Variants in TOPAZ1 observed in about 807,000 individuals in gnomAD.
The protein encoded by TOPAZ1 is testis and ovary specific TOPAZ 1.
In TOPAZ1, 66 loss-of-function variants were observed where a neutral mutation model predicts 172.2. The ratio of observed to expected loss-of-function variants is 0.38; its 90% CI spans 0.31 to 0.47. The LOEUF (loss-of-function observed/expected upper bound fraction) is 0.47, where lower values mean the gene tolerates loss of function less well. TOPAZ1 is among the 20% of genes least tolerant of loss of function. The pLI, the probability that TOPAZ1 is intolerant of heterozygous loss-of-function variation, is 0.99. For missense variants in TOPAZ1, 1,822 were observed against 1,972.4 expected (o/e 0.92, Z 1.44); for synonymous variants, 681 against 683.9 (o/e 1.00, Z 0.07).
intron 5 of TOPAZ1, 139 bp downstream of exon 5, chr3:44,262,622 G>A (rs959196502): frequency 1.9e-5 from 8 of 421,668 alleles, no homozygotes; most frequent in African/African-American, 4.1e-5. Context: ...TTTAATTAAT[G>A]TGTCAGATGT....
chr3:44,256,082 G>C (rs1699699640), intron 3 of TOPAZ1, 69 bp from the exon 4 acceptor site: 4 of 1,230,598 alleles, frequency 3.3e-6, no homozygotes, highest in Non-Finnish European at 2.2e-6. Context: ...TCATTTTTTA[G>C]AACAGCCTTT....
At chr3:44,254,140 GAAGTT>G (rs1477120807) in intron 2 of TOPAZ1, among the ~76,000 whole-genome samples, 1 of 152,168 alleles carries the variant, frequency 6.6e-6, no homozygotes, top group Non-Finnish European at 1.5e-5. Flanking sequence ...TAAACTTAAA[GAAGTT>G]AAGTAGTTTT....
chr3:44,291,585 TC>T (rs1167193511), intron 12 of TOPAZ1, among the ~76,000 whole-genome samples: 1 of 149,960 alleles, frequency 6.7e-6, no homozygotes, highest in Non-Finnish European at 1.5e-5. Flanking sequence ...AGAGCGAGAC[TC>T]CGTCTCAAAA....
At chr3:44,282,410 T>C (rs1464606139) in intron 9 of TOPAZ1, among the ~76,000 whole-genome samples, 3 of 152,214 alleles carry the variant, frequency 2.0e-5, no homozygotes, top group African/African-American at 7.2e-5. Flanking sequence ...TACCATCCAG[T>C]AAGTTCTGTG....
chr3:44,327,787 T>G (rs999739042), intron 18 of TOPAZ1, among the ~76,000 whole-genome samples: 3 of 152,068 alleles, frequency 2.0e-5, no homozygotes, highest in African/African-American at 7.2e-5. Context: ...CACTGTCGCC[T>G]AGGCTGGAGT....
intron 17 of TOPAZ1, among the ~76,000 whole-genome samples, chr3:44,322,256 C>G (rs1700545985): frequency 6.6e-6 from 1 of 152,140 alleles, no homozygotes; most frequent in Non-Finnish European, 1.5e-5. Context: ...ACTTCTCTTT[C>G]TTCTAAGAAT....
At chr3:44,330,063 T>A (rs2125707878) in intron 19 of TOPAZ1, among the ~76,000 whole-genome samples, 1 of 152,362 alleles carries the variant, frequency 6.6e-6, no homozygotes, top group South Asian at 2.1e-4. Flanking sequence ...ACTTCTGTTC[T>A]CCTTTTTTGT....
chr3:44,318,512 G>A (rs1700475608), intron 16 of TOPAZ1, among the ~76,000 whole-genome samples: 1 of 140,820 alleles, frequency 7.1e-6, no homozygotes, highest in South Asian at 2.6e-4. Flanking sequence ...TGGGGCGGGG[G>A]AGGGTTTGCA....
At chr3:44,298,916 T>TG (rs1559541892) in intron 12 of TOPAZ1, among the ~76,000 whole-genome samples, 4 of 38,222 alleles carry the variant, frequency 1.0e-4, no homozygotes, top group African/African-American at 4.2e-4. Context: ...TATATTTTTT[T>TG]TTTTTTTTTT....
intron 13 of TOPAZ1, among the ~76,000 whole-genome samples, chr3:44,304,665 G>A (rs1230214223): frequency 6.6e-6 from 1 of 152,188 alleles, no homozygotes; most frequent in Non-Finnish European, 1.5e-5. Flanking sequence ...AAGATAATAA[G>A]TTGATTGAAA....
chr3:44,335,484 C>T (rs541395646), downstream of TOPAZ1, among the ~76,000 whole-genome samples: 13 of 152,188 alleles, frequency 8.5e-5, no homozygotes, highest in East Asian at 3.9e-4. Flanking sequence ...ATTAGCTGGG[C>T]GCGGTGGTGC....
At chr3:44,285,514 A>C (rs1233212376) in intron 9 of TOPAZ1, among the ~76,000 whole-genome samples, 1 of 152,104 alleles carries the variant, frequency 6.6e-6, no homozygotes, top group Non-Finnish European at 1.5e-5. Flanking sequence ...TTGTGTCAAA[A>C]TGTATTAAAA....
rs1317718185 is a variant in TOPAZ1 at position 44,257,043 on chromosome 3, A to G, written c.2955+765A>G. Among the ~76,000 whole-genome samples, 6 of 152,114 alleles carry G rather than the reference A, an allele frequency of 3.9e-5. No homozygotes were observed. In the South Asian group the frequency reaches 1.2e-3, roughly 32 times the overall value. On this transcript the variant is annotated intron_variant, in intron 4 of 19. Coordinates refer to ENST00000309765, the MANE Select transcript of TOPAZ1 (RefSeq NM_001145030.2). ...CATGTATAGTGGGAAATAAAAGATCAATATGCCGGGTGCAGTGACTCAGGC... is the reference window on the plus strand; with the variant it reads ...CATGTATAGTGGGAAATAAAAGATCGATATGCCGGGTGCAGTGACTCAGGC...
chr3:44,287,594 C>A, intron 10 of TOPAZ1, 54 bp downstream of exon 10: 1 of 1,265,674 alleles, frequency 7.9e-7, no homozygotes. Context: ...ATTTCTCTGT[C>A]ATATTCATTG....
intron 14 of TOPAZ1, 119 bp downstream of exon 14, chr3:44,305,440 G>A (rs1700325583): frequency 2.6e-6 from 2 of 771,274 alleles, no homozygotes; most frequent in Admixed American, 7.7e-5. Flanking sequence ...TGCGGTCATA[G>A]CTCACCGCAG....
intron 4 of TOPAZ1, 141 bp downstream of exon 4, chr3:44,256,419 G>A (rs1284360871): frequency 5.3e-6 from 4 of 753,624 alleles, no homozygotes; most frequent in Admixed American, 7.9e-5. Flanking sequence ...GCCATGGGAT[G>A]TATCCCTTGA....
rs1406052736 is a variant in TOPAZ1, at chr3:44,242,177, G to T, written c.124G>T (p.Gly42Trp). ...GGGAGGCTGTGGCCCTGAGGCCGGG[G>T]GGTGCCGGGAAAATAAGCAAAAGAG... ...AAGGCGPEAG[G>W]CRENKQKRRM... Residue 42 changes from glycine to tryptophan, a missense_variant, in exon 1 of 20, where the codon GGG becomes TGG. Transcript: ENST00000309765. The T allele has an allele frequency of 5.8e-6, 9 of 1,545,260 alleles. No individual in the cohort carries two copies. In the African/African-American group the frequency reaches 1.1e-4, roughly 19 times the overall value.
Position 44,244,901 on chromosome 3 carries a change from G to T in TOPAZ1, c.2395G>T (p.Ala799Ser). The change falls in exon 2 of 20, where the codon GCT (alanine) becomes TCT (serine). Residue 799 changes from alanine to serine, a missense_variant. Physicochemically the swap from Ala to Ser is moderately conservative, Grantham distance 99 (BLOSUM62 1). This residue lies in a region of TOPAZ1 where 1,489 missense variants were observed against 1,490.8 expected (regional missense o/e 1.00). Transcript: ENST00000309765. The part of the protein sequence containing the change: ...PGNIVSNKEV[A>S]SLTVENNAFS... Reference sequence around the variant, plus strand: ...CAATATTGTTTCTAATAAAGAAGTTGCTTCTCTCACAGTTGAAAATAATGC... The same window carrying T: ...CAATATTGTTTCTAATAAAGAAGTTTCTTCTCTCACAGTTGAAAATAATGC... The T allele has an allele frequency of 1.3e-6, 2 of 1,551,732 alleles. No homozygotes were observed. The highest frequency in any genetic ancestry group is 1.7e-6 in the Non-Finnish European group (2 of 1,146,990).
chr3:44,271,244 G>A (rs1699895100), intron 8 of TOPAZ1, among the ~76,000 whole-genome samples: 1 of 152,068 alleles, frequency 6.6e-6, no homozygotes, highest in African/African-American at 2.4e-5. Flanking sequence ...TTCCAGAGGG[G>A]TTTTACCAAA....
Sources: allele counts gnomAD v4.1 joint callset (sites outside exome capture counted in the v4.1 genomes callset), GRCh38; gene constraint gnomAD v4.1.1; regional missense constraint gnomAD v4.1.1; transcripts MANE v1.5; gene names NCBI Gene and HGNC (gene_info 2026-07-23, HGNC 2026-07-21).